CERK: variants seen among roughly 807,000 people sequenced by gnomAD.
CERK encodes the protein acylsphingosine kinase.
Under a neutral mutation model 63.4 loss-of-function variants are expected in CERK, and 39 were observed. The observed-to-expected ratio is 0.61, with a 90% CI of 0.48 to 0.80. CERK has a LOEUF of 0.80. CERK is among the 30% of genes least tolerant of loss of function. The pLI is 0.00. For missense variants in CERK, 670 were observed against 714.1 expected, an observed-to-expected ratio of 0.94 and a Z score of 0.70; for synonymous variants, 302 against 280.0, an observed-to-expected ratio of 1.08 and a Z score of -0.78.
intron 4 of CERK, among the ~76,000 whole-genome samples, chr22:46,711,954 G>A (rs957217097): frequency 6.6e-6 from 1 of 152,164 alleles, no homozygotes; most frequent in African/African-American, 2.4e-5. Context: ...CAGGCATGGT[G>A]GCACAAGGTG....
Position 46,707,839 on chromosome 22 carries a change from A to G in CERK, c.715+4T>C. 1 of 1,603,644 alleles carries G rather than the reference A, an allele frequency of 6.2e-7. No homozygotes were observed. Reference sequence around the variant, plus strand: ...GAACAGAGAATGCCAGGCCGGCTCCATACCTGCGGGAATGATTCCAATCCG... The same window carrying G: ...GAACAGAGAATGCCAGGCCGGCTCCGTACCTGCGGGAATGATTCCAATCCG... On this transcript the variant is annotated splice_donor_region_variant and intron_variant, in intron 6 of 12. Transcript: ENST00000216264.
At chr22:46,695,444 C>T (rs2082751619) in intron 8 of CERK, 129 bp from the exon 9 acceptor site, 8 of 690,332 alleles carry the variant, frequency 1.2e-5, no homozygotes, top group East Asian at 2.7e-5. Context: ...AGGGAGAGGC[C>T]GGGCCTGCTT....
intron 8 of CERK, among the ~76,000 whole-genome samples, chr22:46,695,865 C>T (rs969878856): frequency 1.9e-4 from 29 of 152,332 alleles, no homozygotes; most frequent in African/African-American, 6.3e-4. Flanking sequence ...GCCTGGCACC[C>T]GGGCTGTCTG....
chr22:46,701,787 A>G (rs1341165262), intron 6 of CERK, 77 bp from the exon 7 acceptor site: 5 of 1,033,140 alleles, frequency 4.8e-6, no homozygotes, highest in Non-Finnish European at 7.3e-6. Flanking sequence ...AGTGAGTGGT[A>G]CCTCATTCCT....
At chr22:46,711,350 C>A (rs1463246944) in intron 4 of CERK, among the ~76,000 whole-genome samples, 2 of 152,172 alleles carry the variant, frequency 1.3e-5, no homozygotes, top group Non-Finnish European at 2.9e-5. Flanking sequence ...GAACCTCTCT[C>A]GGGCCACAGT....
intron 1 of CERK, among the ~76,000 whole-genome samples, chr22:46,726,501 T>A (rs2082918911): frequency 6.6e-6 from 1 of 152,062 alleles, no homozygotes; most frequent in Non-Finnish European, 1.5e-5. Flanking sequence ...GTCCAAGCAG[T>A]AAGGGTCACC....
At chr22:46,726,116 T>C (rs974449119) in intron 1 of CERK, among the ~76,000 whole-genome samples, 1 of 152,210 alleles carries the variant, frequency 6.6e-6, no homozygotes, top group African/African-American at 2.4e-5. Flanking sequence ...GTGACATGGG[T>C]GCACGTGTGT....
intron 6 of CERK, among the ~76,000 whole-genome samples, chr22:46,705,909 C>T (rs956758107): frequency 2.6e-5 from 4 of 152,062 alleles, no homozygotes; most frequent in African/African-American, 7.2e-5. Context: ...TGGTGGTGCA[C>T]GCCTGTGGTC....
intron 11 of CERK, among the ~76,000 whole-genome samples, chr22:46,691,056 T>TACACACACACACACACACACACACACAC: frequency 6.8e-6 from 1 of 147,304 alleles, no homozygotes; most frequent in South Asian, 2.2e-4. Flanking sequence ...TATACATACA[T>TACACACACACACACACACACACACACAC]ACACACACAC....
At chr22:46,706,557 C>T (rs1399385573) in intron 6 of CERK, among the ~76,000 whole-genome samples, 2 of 152,188 alleles carry the variant, frequency 1.3e-5, no homozygotes, top group African/African-American at 4.8e-5. Flanking sequence ...TCTCATTAGA[C>T]AGGACTCTTC....
At chr22:46,712,794 C>T (rs997164272) in intron 3 of CERK, among the ~76,000 whole-genome samples, 1 of 152,078 alleles carries the variant, frequency 6.6e-6, no homozygotes, top group African/African-American at 2.4e-5. Flanking sequence ...CCAGGGGCCC[C>T]GCCAAACTCC....
intron 1 of CERK, among the ~76,000 whole-genome samples, chr22:46,723,549 G>T (rs191194509): frequency 0.014 from 2,109 of 151,552 alleles, 37 homozygotes; most frequent in African/African-American, 0.047. Context: ...AACCCGGGAG[G>T]CGGAGGTTGC....
intron 1 of CERK, among the ~76,000 whole-genome samples, chr22:46,724,848 A>T (rs759389550): frequency 5.6e-4 from 85 of 151,900 alleles, no homozygotes; most frequent in Non-Finnish European, 1.1e-3. Context: ...TGAAACCCCG[A>T]CTCTACTAAA....
At chr22:46,736,795 C>T (rs1374180870) in intron 1 of CERK, among the ~76,000 whole-genome samples, 1 of 152,196 alleles carries the variant, frequency 6.6e-6, no homozygotes, top group Non-Finnish European at 1.5e-5. Context: ...TCTGTCCCCA[C>T]CAGAACCCAA....
intron 6 of CERK, 148 bp downstream of exon 6, chr22:46,707,694 TC>T (rs1055864290): frequency 4.6e-6 from 4 of 861,522 alleles, no homozygotes; most frequent in Non-Finnish European, 7.1e-6. Context: ...CTCAATGATA[TC>T]CCCCCAAGAG....
At position 46,693,512 on chromosome 22, in the gene CERK, CAAG is replaced by C. The variant is rs758505528; in HGVS notation, c.1050-12_1050-10del. 5 of 1,612,508 alleles carry C rather than the reference CAAG, an allele frequency of 3.1e-6. No homozygotes were observed. In the South Asian group the frequency reaches 5.5e-5, roughly 18 times the overall value. ...GCCTGCAAACAAAGCATCTGAAAGA[CAAG>C]AATATCATCACCTTTTAAATATGGA... On this transcript the variant is annotated splice_polypyrimidine_tract_variant and intron_variant, in intron 9 of 12. Coordinates refer to ENST00000216264, the MANE Select transcript of CERK (RefSeq NM_022766.6).
Position 46,699,402 on chromosome 22 carries a change from A to C in CERK, c.854T>G (p.Val285Gly), listed in dbSNP as rs2082772183. 6.2e-7 allele frequency: 1 copy of C among 1,614,194 alleles called. No homozygotes were observed. ...HHNSTLLRYS[V>G]SLLGYGFYGD... ...GTAGAAGCCGTAGCCCAGCAGGGAC[A>C]CGGAGTAGCGAAGGAGTGTGCTGTT... The change falls in exon 8 of 13, where the codon GTG becomes GGG. Residue 285 changes from valine (V) to glycine (G), a missense_variant. By Grantham distance (109) the Val-to-Gly change is moderately radical. Transcript: ENST00000216264.
At chr22:46,723,475 C>T (rs1243080854) in intron 1 of CERK, among the ~76,000 whole-genome samples, 1 of 151,904 alleles carries the variant, frequency 6.6e-6, no homozygotes, top group Admixed American at 6.6e-5. Context: ...AAAAGTTAGC[C>T]AGGTGTGGTG....
intron 1 of CERK, among the ~76,000 whole-genome samples, chr22:46,732,206 G>A (rs1036043192): frequency 1.3e-5 from 2 of 152,004 alleles, no homozygotes; most frequent in Non-Finnish European, 2.9e-5. Flanking sequence ...GAGAGAGGCC[G>A]AGTAGCTGGA....
Sources: gnomAD v4.1 joint callset for allele counts (sites outside exome capture counted in the v4.1 genomes callset) on GRCh38, gnomAD v4.1.1 for gene constraint, MANE v1.5 for transcripts, NCBI Gene and HGNC (gene_info 2026-07-23, HGNC 2026-07-21) for gene names.